Variants in DLG5 observed in about 807,000 individuals in gnomAD.
DLG5 encodes the protein disks large homolog 5.
A neutral mutation model predicts 189.8 loss-of-function variants in DLG5; 48 were observed. The ratio of observed to expected loss-of-function variants is 0.25; its 90% CI spans 0.20 to 0.32. The LOEUF (loss-of-function observed/expected upper bound fraction) is 0.32. Among genes scored for constraint, DLG5 ranks in the 10% least tolerant of loss-of-function variants. The pLI, the probability that DLG5 is intolerant of heterozygous loss-of-function variation, is 1.00. For missense variants in DLG5, 2,160 were observed against 2,544.7 expected (o/e 0.85, Z 3.25); for synonymous variants, 1,016 against 1,054.1 (o/e 0.96, Z 0.70).
chr10:77,816,724 C>A, intron 19 of DLG5, 23 bp from the exon 20 acceptor site: 4 of 1,580,554 alleles, frequency 2.5e-6, no homozygotes, highest in Admixed American at 1.7e-5. Context: ...GCGGGTAATG[C>A]CGGTGTGAAC....
chr10:77,798,366 A>C (rs995647230), intron 27 of DLG5, among the ~76,000 whole-genome samples: 2 of 152,000 alleles, frequency 1.3e-5, no homozygotes, highest in African/African-American at 4.8e-5. Context: ...TCTGAGGAGG[A>C]GTCACGGGGC....
rs11002325 is a variant in DLG5, at chr10:77,903,452, T to G, written c.304+22765A>C. Among the ~76,000 whole-genome samples the G allele has an allele frequency of 2.3e-3, 327 of 140,958 alleles. 1 individual carries two copies. The highest frequency in any genetic ancestry group is 8.2e-3 in the African/African-American group (313 of 37,982). The allele number at this position is 140,958 out of a possible 152,430, so 92.5% of individuals were successfully genotyped here. Reference sequence around the variant, plus strand: ...CAAAAAAAAAAATAAAAAAGAAAAATAAAATTAAAAATACAATTAGCCGGG... The same window carrying G: ...CAAAAAAAAAAATAAAAAAGAAAAAGAAAATTAAAAATACAATTAGCCGGG... On this transcript the variant is annotated intron_variant, in intron 1 of 31. Coordinates refer to ENST00000372391, the MANE Select transcript of DLG5 (RefSeq NM_004747.4).
At chr10:77,910,512 C>A (rs1846187853) in intron 1 of DLG5, among the ~76,000 whole-genome samples, 1 of 152,218 alleles carries the variant, frequency 6.6e-6, no homozygotes, top group African/African-American at 2.4e-5. Flanking sequence ...TCAGGAAAAA[C>A]TAGCCACGGA....
At chr10:77,829,721 T>C (rs945856371) in intron 11 of DLG5, among the ~76,000 whole-genome samples, 191 bp from the exon 12 acceptor site, 15 of 152,192 alleles carry the variant, frequency 9.9e-5, no homozygotes, top group African/African-American at 2.7e-4. Context: ...TGGGTTCAAA[T>C]CCTGGCCCTA....
intron 2 of DLG5, among the ~76,000 whole-genome samples, chr10:77,863,994 T>TCTC (rs1844574190): frequency 6.6e-6 from 1 of 152,000 alleles, no homozygotes; most frequent in African/African-American, 2.4e-5. Flanking sequence ...CCCATCTCAG[T>TCTC]CTCCAGCCAT....
chr10:77,806,768 T>C lies in DLG5; in HGVS notation c.4957A>G (p.Ser1653Gly). 1.3e-6 allele frequency: 2 copies of C among 1,495,842 alleles called. No individual in the cohort carries two copies. Among genetic ancestry groups the C allele is most frequent in the Non-Finnish European group, 1.8e-6 (2 of 1,103,448 alleles). The allele number at this position is 1,495,842 out of a possible 1,614,324, so 92.7% of individuals were successfully genotyped here. ...AQKIQRGQIP[S>G]KYVMDQEFSR... ...CCGGAGAACACTTACACATATTTGC[T>C]GGGAATCTGCCCGCGCTGGATCTTC... The change falls in exon 26 of 32, where the codon AGC becomes GGC. Residue 1653 changes from serine (S) to glycine (G), a missense_variant. By Grantham distance (56) the Ser-to-Gly change is moderately conservative (BLOSUM62 0). This residue lies in a region of DLG5 where 574 missense variants were observed against 644.2 expected (regional missense o/e 0.89). Coordinates refer to ENST00000372391, the MANE Select transcript of DLG5 (RefSeq NM_004747.4).
At chr10:77,889,177 C>CCTCCCAGGCCTCACAAGCCCACAGGTAAA (rs1397314101) in intron 1 of DLG5, among the ~76,000 whole-genome samples, 2 of 149,650 alleles carry the variant, frequency 1.3e-5, no homozygotes, top group South Asian at 2.2e-4. Flanking sequence ...CCACAGGTAA[C>CCTCCCAGGCCTCACAAGCCCACAGGTAAA]CTCCCAGGCC....
chr10:77,840,232 G>A (rs1473821256), intron 7 of DLG5, among the ~76,000 whole-genome samples: 2 of 151,638 alleles, frequency 1.3e-5, no homozygotes, highest in Non-Finnish European at 2.9e-5. Flanking sequence ...TTAAGAATTA[G>A]CTGGGTGAGC....
rs765216509 is a variant in DLG5, at chr10:77,842,168, T to C, written c.1150A>G (p.Asn384Asp). 3.1e-6 allele frequency: 5 copies of C among 1,605,710 alleles called. No individual in the cohort carries two copies. The highest frequency in any genetic ancestry group is 4.2e-6 in the Non-Finnish European group (5 of 1,179,962). The change falls in exon 7 of 32, where the codon AAC becomes GAC. Residue 384 changes from asparagine to aspartate, a missense_variant. Around this residue, in one of 5 missense-constraint regions of DLG5, gnomAD observed 664 missense variants for 838.5 expected, o/e 0.79. Coordinates refer to ENST00000372391, the MANE Select transcript of DLG5 (RefSeq NM_004747.4). Reference protein sequence around the residue: ...RRFEAIHHELNKATAQNKDLQ... With the variant: ...RRFEAIHHELDKATAQNKDLQ... ...TCCTTGTTCTGCGCCGTGGCCTTGTTCAGCTCATGGTGGATCGCCTCAAAC... is the reference window on the plus strand; with the variant it reads ...TCCTTGTTCTGCGCCGTGGCCTTGTCCAGCTCATGGTGGATCGCCTCAAAC...
intron 5 of DLG5, among the ~76,000 whole-genome samples, chr10:77,849,635 C>A (rs181254240): frequency 9.2e-5 from 14 of 152,346 alleles, no homozygotes; most frequent in Admixed American, 9.2e-4. Context: ...ACCCCCGCCC[C>A]TGCTGCCAAG....
intron 6 of DLG5, among the ~76,000 whole-genome samples, 177 bp from the exon 7 acceptor site, chr10:77,842,370 C>T (rs750881201): frequency 6.6e-6 from 1 of 152,228 alleles, no homozygotes; most frequent in African/African-American, 2.4e-5. Flanking sequence ...TGCCCCCGGA[C>T]CTGGAATTTT....
chr10:77,809,519 C>T lies in DLG5; in HGVS notation c.4647+28G>A, dbSNP rs749979902. 33 of 1,596,098 alleles carry T rather than the reference C, an allele frequency of 2.1e-5. No homozygotes were observed. In the East Asian group the frequency reaches 6.9e-4, roughly 34 times the overall value. On this transcript the variant is annotated intron_variant, in intron 24 of 31. Transcript: ENST00000372391. Reference sequence around the variant, plus strand: ...GCCCACTGTGCAGGTAGATGGAGGCCTGGCCTGCTCAGCAGCTCAGAACTC... The same window carrying T: ...GCCCACTGTGCAGGTAGATGGAGGCTTGGCCTGCTCAGCAGCTCAGAACTC...
intron 7 of DLG5, among the ~76,000 whole-genome samples, chr10:77,840,815 C>T (rs77180897): frequency 0.012 from 1,757 of 152,300 alleles, 32 homozygotes; most frequent in African/African-American, 0.039. Flanking sequence ...CTCATGCATT[C>T]CCCACATCCC....
intron 27 of DLG5, among the ~76,000 whole-genome samples, chr10:77,802,587 TA>T (rs1187471245): frequency 6.6e-6 from 1 of 152,174 alleles, no homozygotes; most frequent in African/African-American, 2.4e-5. Flanking sequence ...TCTGTAGAAT[TA>T]AAATGAGAAA....
Position 77,837,029 on chromosome 10 carries a change from AC to A in DLG5, c.1438-1108del, listed in dbSNP as rs555492057. Among the ~76,000 whole-genome samples, 417 of 152,138 alleles carry A rather than the reference AC, an allele frequency of 2.7e-3. 4 individuals are homozygous for A. The highest frequency in any genetic ancestry group is 9.4e-3 in the African/African-American group (392 of 41,512). On this transcript the variant is annotated intron_variant, in intron 7 of 31. Transcript: ENST00000372391. ...CAGGAGTTTGAGACCAGCCTGACCA[AC>A]ATGGTAAAACCCCATCTCTACTAAA... is the stretch of plus-strand genomic sequence containing the variant.
chr10:77,872,764 G>T (rs1844953671), intron 1 of DLG5, among the ~76,000 whole-genome samples: 1 of 152,050 alleles, frequency 6.6e-6, no homozygotes, highest in Non-Finnish European at 1.5e-5. Context: ...TGGGGCGGAG[G>T]GGCAGGTGTC....
At chr10:77,825,106 T>C (rs1444172667) in intron 13 of DLG5, among the ~76,000 whole-genome samples, 1 of 152,102 alleles carries the variant, frequency 6.6e-6, no homozygotes, top group East Asian at 1.9e-4. Flanking sequence ...ACGCAGCCTC[T>C]TGGGTGGATC....
At position 77,822,188 on chromosome 10, in the gene DLG5, A is replaced by C; in HGVS notation, c.2383-87T>G. ...TGAAAACCATCCCCAGAGGTAAAGC[A>C]ATGGTCAGGAATGGGCCACCTGCCC... On this transcript the variant is annotated intron_variant, in intron 14 of 31. Transcript: ENST00000372391. 4.8e-6 allele frequency: 7 copies of C among 1,448,508 alleles called. 1 individual carries two copies. In the South Asian group the frequency reaches 9.4e-5, roughly 20 times the overall value. The allele number at this position is 1,448,508 out of a possible 1,614,324, so 89.7% of individuals were successfully genotyped here.
intron 1 of DLG5, among the ~76,000 whole-genome samples, chr10:77,908,310 G>A (rs192951705): frequency 8.5e-5 from 13 of 152,100 alleles, no homozygotes; most frequent in Admixed American, 8.5e-4. Context: ...ACACCTCAGG[G>A]GATCCTGGGA....
Sources: gnomAD v4.1 joint callset for allele counts (sites outside exome capture counted in the v4.1 genomes callset) on GRCh38, gnomAD v4.1.1 for gene constraint, gnomAD v4.1.1 regional missense constraint, MANE v1.5 for transcripts, NCBI Gene and HGNC (gene_info 2026-07-23, HGNC 2026-07-21) for gene names.